The following DNAH7 variants were observed in gnomAD, a reference collection of about 807,000 sequenced individuals.
DNAH7 encodes the protein dynein axonemal heavy chain 7, also known as axonemal beta dynein heavy chain 7.
A neutral mutation model predicts 444.6 loss-of-function variants in DNAH7; 397 were observed. The ratio of observed to expected loss-of-function variants is 0.89; its 90% CI spans 0.82 to 0.97. DNAH7 has a LOEUF of 0.97. DNAH7 is among the 50% of genes least tolerant of loss of function. The pLI is 0.00. For missense variants in DNAH7, 4,902 were observed against 4,800.8 expected (o/e 1.02, Z -0.62); for synonymous variants, 1,636 against 1,624.4 (o/e 1.01, Z -0.17).
At chr2:195,947,412 T>G (rs1309349698) in intron 19 of DNAH7, among the ~76,000 whole-genome samples, 1 of 152,070 alleles carries the variant, frequency 6.6e-6, no homozygotes, top group Non-Finnish European at 1.5e-5. Flanking sequence ...TCATCTACAT[T>G]AGGTATTTCT....
chr2:195,975,011 C>G (rs1559292839), intron 15 of DNAH7, among the ~76,000 whole-genome samples: 1 of 152,114 alleles, frequency 6.6e-6, no homozygotes, highest in Non-Finnish European at 1.5e-5. Flanking sequence ...GCTGGGCGCA[C>G]TTAAATACTT....
chr2:195,881,357 C>T (rs1452508238), intron 36 of DNAH7, among the ~76,000 whole-genome samples: 2 of 152,198 alleles, frequency 1.3e-5, no homozygotes, highest in African/African-American at 4.8e-5. Flanking sequence ...TTTTCTATTA[C>T]AGCATCTAGC....
intron 32 of DNAH7, 101 bp from the exon 33 acceptor site, chr2:195,888,535 G>T: frequency 1.7e-6 from 2 of 1,206,236 alleles, no homozygotes; most frequent in Admixed American, 3.2e-5. Context: ...AGTCTTGGGC[G>T]GGGGGAAGCT....
chr2:195,897,945 T>G (rs557174207), intron 28 of DNAH7, among the ~76,000 whole-genome samples, 180 bp from the exon 29 acceptor site: 69 of 151,234 alleles, frequency 4.6e-4, no homozygotes, highest in South Asian at 1.2e-3. Flanking sequence ...CTTGTTGTGT[T>G]TTTTTTTACT....
At chr2:195,857,311 T>C (rs747208286) in intron 44 of DNAH7, 66 bp downstream of exon 44, 148 of 1,348,688 alleles carry the variant, frequency 1.1e-4, no homozygotes, top group Admixed American at 1.5e-4. Context: ...TTAAATTGTA[T>C]ATTTTCTAAC....
intron 9 of DNAH7, among the ~76,000 whole-genome samples, chr2:196,016,043 C>G (rs1285955925): frequency 6.6e-6 from 1 of 152,174 alleles, no homozygotes; most frequent in African/African-American, 2.4e-5. Context: ...AACTACGGAG[C>G]CTAATTTTGG....
intron 58 of DNAH7, among the ~76,000 whole-genome samples, chr2:195,780,386 T>G (rs1022933733): frequency 2.6e-5 from 4 of 152,116 alleles, no homozygotes; most frequent in African/African-American, 9.7e-5. Flanking sequence ...TTTTAAATAT[T>G]TTATCCATTT....
chr2:195,776,003 GA>G lies in DNAH7; in HGVS notation c.11065-21del. ...TTTGTGCTGCAGAGATGAATAACAAGAAGTCAGGAGGTTAGAAATCAATTAC... is the reference window on the plus strand; with the variant it reads ...TTTGTGCTGCAGAGATGAATAACAAGAGTCAGGAGGTTAGAAATCAATTAC... On this transcript the variant is annotated intron_variant, in intron 59 of 64. Transcript: ENST00000312428. The G allele has an allele frequency of 1.2e-6, 2 of 1,610,956 alleles. No individual in the cohort carries two copies. The highest frequency in any genetic ancestry group is 1.7e-6 in the Non-Finnish European group (2 of 1,179,092).
chr2:195,897,537 A>G, intron 29 of DNAH7, 130 bp downstream of exon 29: 1 of 446,088 alleles, frequency 2.2e-6, no homozygotes, highest in Non-Finnish European at 4.0e-6. Flanking sequence ...ACTTCAAATA[A>G]AATATGGAAT....
At chr2:195,928,103 T>C (rs931153307) in intron 21 of DNAH7, among the ~76,000 whole-genome samples, 4 of 152,146 alleles carry the variant, frequency 2.6e-5, no homozygotes, top group Admixed American at 6.6e-5. Context: ...GTCTACAGTG[T>C]CTATTGTTGC....
intron 19 of DNAH7, among the ~76,000 whole-genome samples, chr2:195,956,074 C>A (rs1690630277): frequency 1.3e-5 from 2 of 152,120 alleles, no homozygotes; most frequent in East Asian, 1.9e-4. Context: ...AAACCATGTC[C>A]ATCTTTCTGA....
intron 12 of DNAH7, chr2:195,995,211 A>G: frequency 1.1e-5 from 4 of 376,330 alleles, no homozygotes; most frequent in South Asian, 7.2e-5. Flanking sequence ...TACAGGCATG[A>G]GCCAAAATGC....
In DNAH7 at chr2:195,876,684, G is replaced by A. The variant is rs368637121; in HGVS notation, c.5977C>T (p.Gln1993Ter). 3 of 1,585,578 alleles carry A rather than the reference G, an allele frequency of 1.9e-6. No homozygotes were observed. In the Admixed American group the frequency reaches 5.2e-5, roughly 27 times the overall value. The change falls in exon 37 of 65, where the codon CAA becomes TAA. Residue 1993 changes from glutamine to a stop codon, truncating the protein, a stop_gained. Transcript: ENST00000312428. LOFTEE classifies it high-confidence loss of function. ...SVYITNFLLN[Q>*]LNKEIYKPLL... ...GGTTTGTAGATTTCCTTATTTAGTT[G>A]ATTTAAAAGAAAATTCTATATAACA... is the stretch of plus-strand genomic sequence containing the variant.
At position 195,906,955 on chromosome 2, in the gene DNAH7, A is replaced by G. The variant is rs551755062; in HGVS notation, c.4159T>C (p.Leu1387=). The change falls in exon 26 of 65, where the codon TTG becomes CTG. Residue 1387 remains leucine, a synonymous_variant. Coordinates refer to ENST00000312428, the MANE Select transcript of DNAH7 (RefSeq NM_018897.3). ...ACFDEFNRID[L]EVLSVVAQQI... The stretch of plus-strand genomic sequence containing the variant: ...TGAGCAACCACAGAGAGTACTTCCA[A>G]ATCAATTCTGTTAAACTCATCAAAG... 3.7e-6 allele frequency: 6 copies of G among 1,613,340 alleles called. No individual in the cohort carries two copies. In the African/African-American group the frequency reaches 8.0e-5, roughly 22 times the overall value.
chr2:196,031,785 T>C (rs1191072702), intron 5 of DNAH7, among the ~76,000 whole-genome samples: 1 of 152,220 alleles, frequency 6.6e-6, no homozygotes, highest in Non-Finnish European at 1.5e-5. Context: ...TGGATCTTAT[T>C]GTCCATATCA....
At chr2:196,028,081 G>C in intron 5 of DNAH7, 34 bp from the exon 6 acceptor site, 1 of 1,556,282 alleles carries the variant, frequency 6.4e-7, no homozygotes, top group South Asian at 1.1e-5. Flanking sequence ...TTCAAAAGTA[G>C]ATAAGGGGCA....
rs147346169 is a variant in DNAH7 at position 195,788,529 on chromosome 2, C to G, written c.10717-1358G>C. 1.0e-3 allele frequency among the ~76,000 whole-genome samples: 156 copies of G among 152,210 alleles called. 3 individuals carry two copies. In the East Asian group the frequency reaches 0.028, roughly 27 times the overall value. On this transcript the variant is annotated intron_variant, in intron 57 of 64. Coordinates refer to ENST00000312428, the MANE Select transcript of DNAH7 (RefSeq NM_018897.3). ...AAAGAAATGGCATTTTATACAAGAG[C>G]AGGGGAAGGGTTTCCCTCACAGAAT...
intron 40 of DNAH7, among the ~76,000 whole-genome samples, chr2:195,870,844 C>A (rs1163758255): frequency 6.6e-6 from 1 of 152,154 alleles, no homozygotes; most frequent in African/African-American, 2.4e-5. Flanking sequence ...AGTTTGTTGA[C>A]AAGCCACCCA....
intron 19 of DNAH7, among the ~76,000 whole-genome samples, chr2:195,956,042 T>A (rs1050280065): frequency 5.9e-5 from 9 of 152,164 alleles, no homozygotes; most frequent in Non-Finnish European, 1.2e-4. Context: ...ATTACATAAA[T>A]GAGGTAAAGA....
Sources: gnomAD v4.1 joint callset for allele counts (sites outside exome capture counted in the v4.1 genomes callset) on GRCh38, gnomAD v4.1.1 for gene constraint, MANE v1.5 for transcripts, NCBI Gene and HGNC (gene_info 2026-07-23, HGNC 2026-07-21) for gene names.